The following SEMA3E variants were observed in gnomAD, a reference collection of about 807,000 sequenced individuals.
SEMA3E encodes semaphorin 3E.
In SEMA3E, 49 loss-of-function variants were observed where a neutral mutation model predicts 93.6. That is an observed-to-expected ratio of 0.52 (90% CI 0.42 to 0.66). The LOEUF (loss-of-function observed/expected upper bound fraction) is 0.66, where lower values mean the gene tolerates loss of function less well. SEMA3E is among the 30% of genes least tolerant of loss of function. SEMA3E has a pLI of 0.00. For missense variants in SEMA3E, 906 were observed against 964.8 expected (o/e 0.94, Z 0.81); for synonymous variants, 363 against 330.7 (o/e 1.10, Z -1.06).
chr7:83,520,694 C>G (rs954557967), intron 1 of SEMA3E, among the ~76,000 whole-genome samples: 1 of 152,130 alleles, frequency 6.6e-6, no homozygotes, highest in Non-Finnish European at 1.5e-5. Flanking sequence ...TTAGCATTTC[C>G]AATATGGAAA....
chr7:83,439,726 C>T (rs1176405526), intron 4 of SEMA3E, among the ~76,000 whole-genome samples: 1 of 152,190 alleles, frequency 6.6e-6, no homozygotes, highest in African/African-American at 2.4e-5. Context: ...CTTCTTGCTT[C>T]TGATTCCTCC....
chr7:83,377,817 C>G (rs1202671475), intron 16 of SEMA3E, among the ~76,000 whole-genome samples: 1 of 151,886 alleles, frequency 6.6e-6, no homozygotes, highest in African/African-American at 2.4e-5. Context: ...CTCATTTACT[C>G]AGTTTTAAAA....
chr7:83,404,549 A>G (rs1253811178), intron 9 of SEMA3E, among the ~76,000 whole-genome samples: 1 of 152,014 alleles, frequency 6.6e-6, no homozygotes, highest in African/African-American at 2.4e-5. Context: ...AATTGTCTAT[A>G]TAACCTTTTA....
intron 4 of SEMA3E, among the ~76,000 whole-genome samples, chr7:83,446,376 A>C (rs967407054): frequency 6.6e-6 from 1 of 151,638 alleles, no homozygotes; most frequent in Non-Finnish European, 1.5e-5. Flanking sequence ...GAGAAAACAA[A>C]AGTTTCAACA....
intron 1 of SEMA3E, among the ~76,000 whole-genome samples, chr7:83,555,512 A>G (rs771943948): frequency 5.3e-5 from 8 of 152,196 alleles, no homozygotes; most frequent in Non-Finnish European, 7.3e-5. Flanking sequence ...TCTCTATGCT[A>G]TTCATCTACG....
At chr7:83,593,344 G>A (rs531829631) in intron 1 of SEMA3E, among the ~76,000 whole-genome samples, 3 of 143,138 alleles carry the variant, frequency 2.1e-5, no homozygotes, top group South Asian at 2.2e-4. Flanking sequence ...GTTGGGGAGG[G>A]GGAAAGAGTT....
chr7:83,435,568 C>T (rs1280489011), intron 4 of SEMA3E, among the ~76,000 whole-genome samples: 1 of 151,616 alleles, frequency 6.6e-6, no homozygotes, highest in Non-Finnish European at 1.5e-5. Flanking sequence ...TGCACTCCAG[C>T]GTGGGAGACA....
chr7:83,623,104 TGAG>T (rs752235542), intron 1 of SEMA3E, among the ~76,000 whole-genome samples: 1 of 152,174 alleles, frequency 6.6e-6, no homozygotes, highest in Non-Finnish European at 1.5e-5. Flanking sequence ...TAAATCTATG[TGAG>T]GAGGTTACCA....
intron 1 of SEMA3E, among the ~76,000 whole-genome samples, chr7:83,609,421 C>T (rs1046356018): frequency 1.3e-5 from 2 of 151,900 alleles, no homozygotes; most frequent in Non-Finnish European, 2.9e-5. Flanking sequence ...ATTGAGTTGG[C>T]TAGCATCTAA....
intron 11 of SEMA3E, among the ~76,000 whole-genome samples, chr7:83,399,590 C>T (rs1788196522): frequency 6.6e-6 from 1 of 152,200 alleles, no homozygotes; most frequent in Non-Finnish European, 1.5e-5. Context: ...CTTGCTATGA[C>T]ACTCTACTTC....
At chr7:83,419,352 T>C (rs530543510) in intron 4 of SEMA3E, among the ~76,000 whole-genome samples, 324 of 152,340 alleles carry the variant, frequency 2.1e-3, no homozygotes, top group Non-Finnish European at 3.6e-3. Context: ...AATTCTGCAA[T>C]GAACATATGA....
chr7:83,595,665 T>C (rs1792858413), intron 1 of SEMA3E, among the ~76,000 whole-genome samples: 4 of 152,036 alleles, frequency 2.6e-5, no homozygotes, highest in African/African-American at 9.7e-5. Context: ...TACAAGTCAG[T>C]TATTTTGTAC....
chr7:83,504,730 T>C (rs1419719882), intron 1 of SEMA3E, among the ~76,000 whole-genome samples: 2 of 152,176 alleles, frequency 1.3e-5, no homozygotes, highest in African/African-American at 4.8e-5. Flanking sequence ...TTATAACCTG[T>C]CGTGAGGCAA....
At chr7:83,488,600 A>G (rs73174565) in intron 2 of SEMA3E, among the ~76,000 whole-genome samples, 19,067 of 152,164 alleles carry the variant, frequency 0.13, 1,375 homozygotes, top group East Asian at 0.21. Context: ...TACAATTTTC[A>G]AACATGCAAG....
At chr7:83,501,194 T>C (rs193018845) in intron 1 of SEMA3E, among the ~76,000 whole-genome samples, 37 of 152,314 alleles carry the variant, frequency 2.4e-4, no homozygotes, top group African/African-American at 8.9e-4. Flanking sequence ...TTAAAATACA[T>C]ATTTAACAAT....
intron 1 of SEMA3E, among the ~76,000 whole-genome samples, chr7:83,593,260 GTCTCTCTC>G (rs1186592715): frequency 2.1e-5 from 2 of 96,362 alleles, no homozygotes; most frequent in East Asian, 6.7e-4. Flanking sequence ...CTCTCTCTCT[GTCTCTCTC>G]TCTCTCTCTC....
intron 1 of SEMA3E, among the ~76,000 whole-genome samples, chr7:83,645,636 AT>A: frequency 6.6e-6 from 1 of 152,034 alleles, no homozygotes; most frequent in East Asian, 1.9e-4. Flanking sequence ...GAGGGATTCA[AT>A]ATTACCCCAT....
intron 1 of SEMA3E, among the ~76,000 whole-genome samples, chr7:83,515,249 A>T (rs991357094): frequency 1.3e-5 from 2 of 150,510 alleles, no homozygotes; most frequent in Non-Finnish European, 2.9e-5. Flanking sequence ...CAGGTGCTTT[A>T]CTTTGTGTAG....
chr7:83,550,790 C>T (rs1259254592), intron 1 of SEMA3E, among the ~76,000 whole-genome samples: 1 of 152,052 alleles, frequency 6.6e-6, no homozygotes, highest in Non-Finnish European at 1.5e-5. Context: ...ATCTGTGACA[C>T]TGTACAAGAG....
Sources: allele counts gnomAD v4.1 joint callset (sites outside exome capture counted in the v4.1 genomes callset), GRCh38; gene constraint gnomAD v4.1.1; transcripts MANE v1.5; gene names NCBI Gene and HGNC (gene_info 2026-07-23, HGNC 2026-07-21).